Variants in FNDC3A observed in about 807,000 individuals in gnomAD.
The protein encoded by FNDC3A is fibronectin type III domain containing 3A.
In FNDC3A, 32 loss-of-function variants were observed where a neutral mutation model predicts 148.9. The observed-to-expected ratio is 0.21, with a 90% confidence interval of 0.16 to 0.29. FNDC3A has a LOEUF of 0.29. FNDC3A is among the 10% of genes least tolerant of loss of function. The probability of loss-of-function intolerance (pLI) is 1.00; values close to 1 mark genes in which losing one functional copy is unlikely to be tolerated. For missense variants in FNDC3A, 1,191 were observed against 1,452.8 expected (o/e 0.82, Z 2.93); for synonymous variants, 472 against 473.6 (o/e 1.00, Z 0.04).
chr13:49,167,038 C>T (rs1345019069), intron 8 of FNDC3A, among the ~76,000 whole-genome samples: 1 of 152,178 alleles, frequency 6.6e-6, no homozygotes, highest in Non-Finnish European at 1.5e-5. Flanking sequence ...GCACTACCTT[C>T]TGTTTTAAAG....
intron 1 of FNDC3A, among the ~76,000 whole-genome samples, chr13:48,980,135 G>T (rs1359406424): frequency 6.6e-6 from 1 of 152,136 alleles, no homozygotes; most frequent in East Asian, 1.9e-4. Context: ...TCTAACAAGA[G>T]CCTAGAATAG....
rs560862095 is a variant in FNDC3A, at chr13:49,013,053, C to T, written c.99+6764C>T. Among the ~76,000 whole-genome samples the T allele has an allele frequency of 7.0e-4, 106 of 152,164 alleles. No homozygotes were observed. In the South Asian group the frequency reaches 0.014, roughly 20 times the overall value. On this transcript the variant is annotated intron_variant, in intron 2 of 25. Coordinates refer to ENST00000492622, the MANE Select transcript of FNDC3A (RefSeq NM_001079673.2). ...AGGGTAAGCCAGGTGCAGTGGCTGA[C>T]GCCAGTAATCCCAGCATTTTGGGAG...
chr13:49,146,649 A>G (rs1284520388), intron 8 of FNDC3A: 1 of 152,220 alleles, frequency 6.6e-6, no homozygotes, highest in African/African-American at 2.4e-5. Flanking sequence ...AGGCAGGAGA[A>G]TCGCTTGAAC....
intron 7 of FNDC3A, among the ~76,000 whole-genome samples, chr13:49,143,106 G>C (rs1200008522): frequency 6.6e-6 from 1 of 152,186 alleles, no homozygotes; most frequent in Non-Finnish European, 1.5e-5. Context: ...AACCTCAGGT[G>C]ATCTGCCCAC....
At chr13:49,165,486 G>A (rs751865664) in intron 8 of FNDC3A, among the ~76,000 whole-genome samples, 6 of 152,208 alleles carry the variant, frequency 3.9e-5, no homozygotes, top group African/African-American at 1.2e-4. Context: ...GCAGTTGTTA[G>A]TGGAGGCTGT....
chr13:49,153,048 T>A (rs1298976220), intron 8 of FNDC3A, among the ~76,000 whole-genome samples: 1 of 151,868 alleles, frequency 6.6e-6, no homozygotes, highest in African/African-American at 2.4e-5. Context: ...ATGGGATGGC[T>A]GGGTCAAATG....
intron 2 of FNDC3A, among the ~76,000 whole-genome samples, chr13:49,040,231 A>C (rs530195470): frequency 6.6e-6 from 1 of 152,346 alleles, no homozygotes; most frequent in Non-Finnish European, 1.5e-5. Context: ...GTACTGAATA[A>C]GTAAATTCAG....
chr13:49,096,232 C>T (rs917586812), intron 3 of FNDC3A, among the ~76,000 whole-genome samples: 1 of 152,034 alleles, frequency 6.6e-6, no homozygotes. Flanking sequence ...GACAGGATTT[C>T]TTTACAGGTA....
chr13:49,167,537 T>C (rs1034742020), intron 9 of FNDC3A, among the ~76,000 whole-genome samples: 8 of 152,160 alleles, frequency 5.3e-5, no homozygotes, highest in Non-Finnish European at 1.2e-4. Context: ...AGACCCTATC[T>C]CGACAAAGAA....
rs140709664 is a variant in FNDC3A, at chr13:49,012,524, A to G, written c.99+6235A>G. ...TATTCTTGGGCCTTTACATTTACAT[A>G]TAAATTTTAGAATTAGCTTATCAAT... On this transcript the variant is annotated intron_variant, in intron 2 of 25. Coordinates refer to ENST00000492622, the MANE Select transcript of FNDC3A (RefSeq NM_001079673.2). Among the ~76,000 whole-genome samples, 402 of 152,268 alleles carry G rather than the reference A, an allele frequency of 2.6e-3. 10 individuals are homozygous for G. In the East Asian group the frequency reaches 0.042, roughly 16 times the overall value.
At chr13:49,095,838 C>T (rs1196283098) in intron 3 of FNDC3A, among the ~76,000 whole-genome samples, 7 of 151,974 alleles carry the variant, frequency 4.6e-5, no homozygotes, top group South Asian at 4.1e-4. Flanking sequence ...ACTTATATAA[C>T]GTTATAAAGA....
At chr13:49,187,767 T>C (rs78348052) in intron 16 of FNDC3A, 1 of 802,218 alleles carries the variant, frequency 1.2e-6, no homozygotes, top group East Asian at 2.6e-5. Context: ...ATTTTTTTTT[T>C]CTTTGTTTGT....
chr13:49,188,645 A>G lies in FNDC3A; in HGVS notation c.1944+12A>G. 2 of 1,542,292 alleles carry G rather than the reference A, an allele frequency of 1.3e-6. No homozygotes were observed. Among genetic ancestry groups the G allele is most frequent in the Non-Finnish European group, 9.0e-7 (1 of 1,115,654 alleles). On this transcript the variant is annotated intron_variant, in intron 17 of 25. Transcript: ENST00000492622. ...GAGGACAGAGTGCGGTAATACTTAT[A>G]TGTAGATTCTTTTGTGTTGTTATTA...
At chr13:49,176,939 T>C (rs1885061143) in intron 13 of FNDC3A, among the ~76,000 whole-genome samples, 1 of 152,196 alleles carries the variant, frequency 6.6e-6, no homozygotes, top group Non-Finnish European at 1.5e-5. Flanking sequence ...TAGCTGGGAC[T>C]ACAGGCACAT....
intron 2 of FNDC3A, among the ~76,000 whole-genome samples, chr13:49,040,407 G>A (rs774023295): frequency 2.6e-5 from 4 of 152,090 alleles, no homozygotes; most frequent in Admixed American, 6.5e-5. Flanking sequence ...TTGCACTTAC[G>A]GATGGCAAAG....
At chr13:48,982,531 C>T (rs868003520) in intron 1 of FNDC3A, among the ~76,000 whole-genome samples, 70 of 152,232 alleles carry the variant, frequency 4.6e-4, no homozygotes, top group African/African-American at 1.6e-3. Context: ...ACAGAGTAGC[C>T]TTTGGGTAAA....
rs935450994 is a variant in FNDC3A, at chr13:49,138,805, G to A, written c.819G>A (p.Val273=). Residue 273 remains valine, a splice_region_variant and synonymous_variant, in exon 7 of 26, where the codon GTG becomes GTA. Transcript: ENST00000492622. ...EALLSNIVKP[V]ASDIQARTVV... is the part of the protein sequence containing the mutation. ...TTCTTTCCAACATTGTCAAACCAGT[G>A]GTAAGTATCTTATGTATTTTATTGA... 1.4e-6 allele frequency: 2 copies of A among 1,451,930 alleles called. No homozygotes were observed. Among genetic ancestry groups the A allele is most frequent in the Admixed American group, 3.7e-5 (2 of 54,590 alleles). 89.9% of individuals were successfully genotyped at this position (1,451,930 alleles called of 1,614,324 possible). A position where few individuals can be genotyped will look rare whatever the true frequency, so the allele number is the denominator to read the frequency against.
intron 2 of FNDC3A, among the ~76,000 whole-genome samples, chr13:49,037,444 A>G (rs989743999): frequency 5.9e-5 from 9 of 152,188 alleles, no homozygotes; most frequent in Non-Finnish European, 1.0e-4. Context: ...TATTATTGCT[A>G]TCAACCACCA....
At chr13:49,017,753 C>A (rs1398421546) in intron 2 of FNDC3A, among the ~76,000 whole-genome samples, 1 of 151,868 alleles carries the variant, frequency 6.6e-6, no homozygotes. Context: ...TTGTTCCTTT[C>A]CATGTTTAGC....
Sources: allele counts gnomAD v4.1 joint callset (sites outside exome capture counted in the v4.1 genomes callset), GRCh38; gene constraint gnomAD v4.1.1; transcripts MANE v1.5; gene names NCBI Gene and HGNC (gene_info 2026-07-23, HGNC 2026-07-21).